The following DLC1 variants were observed in gnomAD, a reference collection of about 807,000 sequenced individuals.
The protein encoded by DLC1 is DLC1 Rho GTPase activating protein.
A neutral mutation model predicts 140.3 loss-of-function variants in DLC1; 54 were observed. That is an observed-to-expected ratio of 0.38 (90% CI 0.31 to 0.48). The LOEUF is 0.48. DLC1 is among the 20% of genes least tolerant of loss of function. The probability of loss-of-function intolerance (pLI) is 0.96; values close to 1 mark genes in which losing one functional copy is unlikely to be tolerated. For missense variants in DLC1, 2,536 were observed against 1,907.0 expected (o/e 1.33, Z -6.14); for synonymous variants, 986 against 728.1 (o/e 1.35, Z -5.70).
At chr8:13,297,281 T>TAAAAAAAAAAAAAAAAAAAAAAAA (rs1563233158) in intron 5 of DLC1, among the ~76,000 whole-genome samples, 3 of 192 alleles carry the variant, frequency 0.016, no homozygotes, top group East Asian at 0.25. Flanking sequence ...CCTTCATACA[T>TAAAAAAAAAAAAAAAAAAAAAAAA]TAAAAAAAAA....
intron 5 of DLC1, among the ~76,000 whole-genome samples, chr8:13,258,785 G>A (rs1006923682): frequency 1.3e-5 from 2 of 152,108 alleles, no homozygotes; most frequent in East Asian, 1.9e-4. Flanking sequence ...TCATATGGGT[G>A]GGAGACTGTC....
At chr8:13,097,964 TCTTGAG>T (rs1818648723) in intron 10 of DLC1, among the ~76,000 whole-genome samples, 1 of 145,580 alleles carries the variant, frequency 6.9e-6, no homozygotes, top group African/African-American at 2.6e-5. Context: ...CAGGTGGATC[TCTTGAG>T]CCCAGGAATT....
At chr8:13,277,643 G>A (rs532978501) in intron 5 of DLC1, among the ~76,000 whole-genome samples, 23 of 152,016 alleles carry the variant, frequency 1.5e-4, no homozygotes, top group Non-Finnish European at 2.4e-4. Context: ...CTATTTCTAC[G>A]CCAATAAATT....
At chr8:13,161,565 G>C (rs2128984703) in intron 5 of DLC1, among the ~76,000 whole-genome samples, 1 of 152,168 alleles carries the variant, frequency 6.6e-6, no homozygotes, top group Non-Finnish European at 1.5e-5. Flanking sequence ...TTGAATTCTT[G>C]GCCTCAAACA....
chr8:13,123,288 A>C (rs1821260116), intron 5 of DLC1, among the ~76,000 whole-genome samples: 1 of 151,918 alleles, frequency 6.6e-6, no homozygotes, highest in African/African-American at 2.4e-5. Flanking sequence ...TGATCCAGCC[A>C]CACCGGCCTC....
At chr8:13,492,756 C>A (rs555617922) in intron 2 of DLC1, among the ~76,000 whole-genome samples, 1 of 152,094 alleles carries the variant, frequency 6.6e-6, no homozygotes, top group Non-Finnish European at 1.5e-5. Flanking sequence ...CTATACCTAG[C>A]GTTTTCATTT....
intron 5 of DLC1, among the ~76,000 whole-genome samples, chr8:13,260,307 C>A (rs1351514705): frequency 6.6e-6 from 1 of 152,136 alleles, no homozygotes; most frequent in Non-Finnish European, 1.5e-5. Flanking sequence ...AAGATCCTAA[C>A]TTTAGGTAAG....
chr8:13,383,451 C>G (rs1343887717), intron 4 of DLC1, among the ~76,000 whole-genome samples: 1 of 152,152 alleles, frequency 6.6e-6, no homozygotes, highest in Non-Finnish European at 1.5e-5. Context: ...GCACCTGGAT[C>G]TGATTTATTT....
At chr8:13,228,070 T>A (rs1828874411) in intron 5 of DLC1, among the ~76,000 whole-genome samples, 1 of 152,210 alleles carries the variant, frequency 6.6e-6, no homozygotes, top group African/African-American at 2.4e-5. Context: ...ACTATGTATA[T>A]CAGGGTATCC....
At chr8:13,402,211 C>A (rs1837330144) in intron 2 of DLC1, among the ~76,000 whole-genome samples, 1 of 152,180 alleles carries the variant, frequency 6.6e-6, no homozygotes, top group Admixed American at 6.5e-5. Context: ...TATAAAACAG[C>A]TCCCACAACA....
intron 5 of DLC1, among the ~76,000 whole-genome samples, chr8:13,179,972 G>C (rs1322894159): frequency 3.9e-5 from 6 of 152,110 alleles, no homozygotes; most frequent in Non-Finnish European, 7.3e-5. Context: ...ATGCCTATTT[G>C]ATTTAATTCT....
chr8:13,418,340 C>T (rs185673417), intron 2 of DLC1, among the ~76,000 whole-genome samples: 3 of 152,178 alleles, frequency 2.0e-5, no homozygotes, highest in East Asian at 1.9e-4. Flanking sequence ...GGGTTTTCAT[C>T]GTTTTAGGTC....
At chr8:13,547,748 C>G (rs1803702037) in intron 1 of DLC1, among the ~76,000 whole-genome samples, 1 of 151,946 alleles carries the variant, frequency 6.6e-6, no homozygotes, top group Non-Finnish European at 1.5e-5. Context: ...TCTATCAATC[C>G]CTAACTTCAT....
At chr8:13,257,471 A>C (rs935269583) in intron 5 of DLC1, among the ~76,000 whole-genome samples, 16 of 151,212 alleles carry the variant, frequency 1.1e-4, no homozygotes, top group African/African-American at 3.9e-4. Context: ...AACAATTCTG[A>C]CATGTGCATT....
At chr8:13,228,625 C>A (rs1828906800) in intron 5 of DLC1, among the ~76,000 whole-genome samples, 1 of 152,112 alleles carries the variant, frequency 6.6e-6, no homozygotes, top group Admixed American at 6.6e-5. Flanking sequence ...TGGCATGTGG[C>A]TGTAGTCCCA....
chr8:13,520,719 C>T (rs1802738951), intron 1 of DLC1, among the ~76,000 whole-genome samples: 1 of 152,094 alleles, frequency 6.6e-6, no homozygotes, highest in Non-Finnish European at 1.5e-5. Context: ...CCTGCCTGTC[C>T]TGTAGGGCTA....
At chr8:13,191,481 ACT>A (rs1826751245) in intron 5 of DLC1, among the ~76,000 whole-genome samples, 1 of 152,032 alleles carries the variant, frequency 6.6e-6, no homozygotes, top group African/African-American at 2.4e-5. Flanking sequence ...ACAGAGCAAA[ACT>A]CTGTCTCAAA....
intron 2 of DLC1, among the ~76,000 whole-genome samples, chr8:13,448,832 TTATACACTAGCAGATTTCACAGA>T (rs1798917179): frequency 3.5e-5 from 3 of 85,844 alleles, no homozygotes; most frequent in South Asian, 8.5e-4. Context: ...CACAAATGTG[TTATACACTAGCAGATTTCACAGA>T]TGTATTATAC....
intron 4 of DLC1, among the ~76,000 whole-genome samples, chr8:13,325,814 C>T (rs1392981387): frequency 6.6e-6 from 1 of 152,026 alleles, no homozygotes; most frequent in Non-Finnish European, 1.5e-5. Context: ...TGTTTATTTC[C>T]AATTAAAGTA....
Sources: allele counts gnomAD v4.1 joint callset (sites outside exome capture counted in the v4.1 genomes callset), GRCh38; gene constraint gnomAD v4.1.1; transcripts MANE v1.5; gene names NCBI Gene and HGNC (gene_info 2026-07-23, HGNC 2026-07-21).